Variants in C1QTNF3 observed in about 807,000 individuals in gnomAD.
The protein encoded by C1QTNF3 is C1q and TNF related 3.
C1QTNF3 carries 26 observed loss-of-function variants against 32.6 expected under a neutral mutation model. That is an observed-to-expected ratio of 0.80 (90% CI 0.58 to 1.11). The LOEUF is 1.11. C1QTNF3 is among the 50% of genes least tolerant of loss of function. The pLI is 0.00. For synonymous variants in C1QTNF3, 155 were observed against 146.0 expected, an observed-to-expected ratio of 1.06 and a Z score of -0.44; for missense variants, 362 against 398.2, an observed-to-expected ratio of 0.91 and a Z score of 0.77.
chr5:34,154,598 G>C, the C1QTNF3 span, among the ~76,000 whole-genome samples: 3 of 152,060 alleles, frequency 2.0e-5, no homozygotes, highest in Non-Finnish European at 4.4e-5. Context: ...CAAATCAATT[G>C]AATAAATAAA....
the C1QTNF3 span, among the ~76,000 whole-genome samples, chr5:34,172,564 A>G: frequency 6.6e-6 from 1 of 152,178 alleles, no homozygotes; most frequent in African/African-American, 2.4e-5. Context: ...TATGCACCTA[A>G]GATTCAGGGA....
chr5:34,115,210 T>C, the C1QTNF3 span, among the ~76,000 whole-genome samples: 1 of 152,218 alleles, frequency 6.6e-6, no homozygotes, highest in Non-Finnish European at 1.5e-5. Flanking sequence ...TTGTTTCACC[T>C]TGTTGCTGTT....
chr5:34,200,865 T>A, the C1QTNF3 span: 1 of 152,066 alleles, frequency 6.6e-6, no homozygotes, highest in East Asian at 1.9e-4. Flanking sequence ...TGCAAATCCA[T>A]TGAATAGTTC....
At chr5:34,210,836 C>A in the C1QTNF3 span, among the ~76,000 whole-genome samples, 1 of 151,866 alleles carries the variant, frequency 6.6e-6, no homozygotes, top group Non-Finnish European at 1.5e-5. Flanking sequence ...AATTTTCTTG[C>A]CCAAGTTATA....
the C1QTNF3 span, among the ~76,000 whole-genome samples, chr5:34,084,806 TTTG>T: frequency 0.085 from 2,919 of 34,154 alleles, 258 homozygotes; most frequent in East Asian, 0.13. Context: ...TTTTGTTTTT[TTTG>T]TTTTTTTTCT....
the C1QTNF3 span, among the ~76,000 whole-genome samples, chr5:34,177,905 G>A: frequency 4.0e-5 from 6 of 151,248 alleles, no homozygotes; most frequent in East Asian, 1.2e-3. Flanking sequence ...TTCCAGGTGT[G>A]AGCCACCACA....
chr5:34,102,208 C>T, the C1QTNF3 span, among the ~76,000 whole-genome samples: 7 of 152,196 alleles, frequency 4.6e-5, no homozygotes, highest in African/African-American at 7.2e-5. Flanking sequence ...TTTTTAAATA[C>T]GCCATTGTAA....
the C1QTNF3 span, among the ~76,000 whole-genome samples, chr5:34,089,678 C>T: frequency 6.6e-6 from 1 of 152,170 alleles, no homozygotes; most frequent in Non-Finnish European, 1.5e-5. Context: ...AACAGACTTA[C>T]ATAAAATAAT....
At chr5:34,143,059 T>G in the C1QTNF3 span, among the ~76,000 whole-genome samples, 2 of 152,168 alleles carry the variant, frequency 1.3e-5, no homozygotes, top group Non-Finnish European at 2.9e-5. Flanking sequence ...ATGGAAGGAC[T>G]GAAAGATTAG....
the C1QTNF3 span, among the ~76,000 whole-genome samples, chr5:34,091,971 A>T: frequency 6.6e-6 from 1 of 151,948 alleles, no homozygotes; most frequent in Non-Finnish European, 1.5e-5. Flanking sequence ...TGACTACAAG[A>T]TGATTAAAAA....
chr5:34,077,958 C>T, the C1QTNF3 span, among the ~76,000 whole-genome samples: 451 of 151,808 alleles, frequency 3.0e-3, 27 homozygotes, highest in African/African-American at 0.011. Context: ...GAGAGGACTG[C>T]AGCATTAAAT....
chr5:34,084,478 C>T, the C1QTNF3 span, among the ~76,000 whole-genome samples: 1 of 151,534 alleles, frequency 6.6e-6, no homozygotes, highest in Non-Finnish European at 1.5e-5. Flanking sequence ...TATAGTCTCC[C>T]TGTCTTTTTT....
chr5:34,088,023 T>C, the C1QTNF3 span, among the ~76,000 whole-genome samples: 2 of 152,288 alleles, frequency 1.3e-5, no homozygotes, highest in Non-Finnish European at 2.9e-5. Context: ...CAAAGCTTTA[T>C]GAGTAAACTC....
At chr5:34,133,922 C>G in the C1QTNF3 span, among the ~76,000 whole-genome samples, 1 of 152,156 alleles carries the variant, frequency 6.6e-6, no homozygotes, top group African/African-American at 2.4e-5. Flanking sequence ...TTAAGGTAAT[C>G]TTTATAATAC....
At chr5:34,053,432 T>C in the C1QTNF3 span, among the ~76,000 whole-genome samples, 2 of 152,248 alleles carry the variant, frequency 1.3e-5, no homozygotes, top group African/African-American at 4.8e-5. Context: ...TTGGTTCCTG[T>C]CTGCTGGTGT....
the C1QTNF3 span, among the ~76,000 whole-genome samples, chr5:34,212,101 A>G: frequency 1.3e-3 from 204 of 152,024 alleles, no homozygotes; most frequent in African/African-American, 4.8e-3. Flanking sequence ...ATAACGCCAC[A>G]TATCTACAAC....
the C1QTNF3 span, among the ~76,000 whole-genome samples, chr5:34,102,553 A>AT: frequency 1.5e-4 from 23 of 149,824 alleles, no homozygotes; most frequent in African/African-American, 2.9e-4. Flanking sequence ...CTTGATGCGA[A>AT]TTTTTTTTTT....
At chr5:34,175,805 G>A in the C1QTNF3 span, 28 of 751,830 alleles carry the variant, frequency 3.7e-5, no homozygotes, top group Admixed American at 1.1e-4. Flanking sequence ...TATCCCATGC[G>A]CTAAACTGCC....
the C1QTNF3 span, among the ~76,000 whole-genome samples, chr5:34,130,271 CA>C: frequency 1.3e-5 from 2 of 152,086 alleles, no homozygotes; most frequent in African/African-American, 4.8e-5. Flanking sequence ...ATAAAGGAGT[CA>C]TTTTTTTCTA....
Sources: gnomAD v4.1 joint callset for allele counts (sites outside exome capture counted in the v4.1 genomes callset) on GRCh38, gnomAD v4.1.1 for gene constraint, MANE v1.5 for transcripts, NCBI Gene and HGNC (gene_info 2026-07-23, HGNC 2026-07-21) for gene names.